The following KRAS variants were observed in gnomAD, a reference collection of about 807,000 sequenced individuals.
KRAS encodes the protein GTPase KRas.
In KRAS, 1 loss-of-function variant was observed where a neutral mutation model predicts 21.0. The observed-to-expected ratio is 0.05, with a 90% CI of 0.02 to 0.23. The LOEUF is 0.23. Among genes scored for constraint, KRAS ranks in the 10% least tolerant of loss-of-function variants. The probability of loss-of-function intolerance (pLI) is 1.00; values close to 1 mark genes in which losing one functional copy is unlikely to be tolerated. For synonymous variants in KRAS, 67 were observed against 72.5 expected (o/e 0.92, Z 0.39); for missense variants, 107 against 221.8 (o/e 0.48, Z 3.29).
chr12:25,234,981 T>C (rs183513244), intron 2 of KRAS: 17 of 310,058 alleles, frequency 5.5e-5, no homozygotes, highest in Non-Finnish European at 6.5e-5. Flanking sequence ...CTATTAATAG[T>C]AATTACAGCA....
intron 2 of KRAS, among the ~76,000 whole-genome samples, chr12:25,229,444 C>T (rs1308938774): frequency 6.6e-6 from 1 of 152,130 alleles, no homozygotes; most frequent in Admixed American, 6.5e-5. Context: ...AATATTGTTT[C>T]ATCTGCAAAT....
At chr12:25,229,601 T>C (rs1951439259) in intron 2 of KRAS, among the ~76,000 whole-genome samples, 1 of 149,188 alleles carries the variant, frequency 6.7e-6, no homozygotes, top group African/African-American at 2.6e-5. Flanking sequence ...CTGCTCAAGA[T>C]TTCACACATT....
In KRAS at chr12:25,207,515, C is replaced by CAAAAA; in HGVS notation, c.*2275_*2279dup. 1 of 184,836 alleles carries CAAAAA rather than the reference C, an allele frequency of 5.4e-6. No homozygotes were observed. Among genetic ancestry groups the CAAAAA allele is most frequent in the Non-Finnish European group, 1.1e-5 (1 of 89,462 alleles). 11.4% of individuals were successfully genotyped at this position (184,836 alleles called of 1,614,324 possible). A position where few individuals can be genotyped will look rare whatever the true frequency, so the allele number is the denominator to read the frequency against. On this transcript the variant is annotated 3_prime_UTR_variant, in exon 5 of 5. Transcript: ENST00000311936. Reference sequence around the variant, plus strand: ...GGTGACAAGAGCGAGACTCTGACACCAAAAAAAAAAAGTAAGCTTCATGAA... The same window carrying CAAAAA: ...GGTGACAAGAGCGAGACTCTGACACCAAAAAAAAAAAAAAAAGTAAGCTTCATGAA...
chr12:25,231,988 C>T (rs577135119), intron 2 of KRAS, among the ~76,000 whole-genome samples: 1 of 151,658 alleles, frequency 6.6e-6, no homozygotes, highest in East Asian at 1.9e-4. Flanking sequence ...ATACACACGG[C>T]ATTGGTTCCA....
In KRAS at chr12:25,227,242, G is replaced by A. The variant is rs2141509296; in HGVS notation, c.282C>T (p.His94=). Residue 94 remains histidine, a synonymous_variant, in exon 3 of 5, where the codon CAC becomes CAT. Transcript: ENST00000311936. ...INNTKSFEDI[H]HYREQIKRVK... ...ATTCAATTTAAACCCACCTATAATG[G>A]TGAATATCTTCAAATGATTTAGTAT... is the stretch of plus-strand genomic sequence containing the variant. The A allele has an allele frequency of 6.2e-7, 1 of 1,611,092 alleles. No individual in the cohort carries two copies. The highest frequency in any genetic ancestry group is 8.5e-7 in the Non-Finnish European group (1 of 1,177,466).
chr12:25,232,102 C>G (rs1191425486), intron 2 of KRAS, among the ~76,000 whole-genome samples: 2 of 152,066 alleles, frequency 1.3e-5, no homozygotes, highest in Non-Finnish European at 2.9e-5. Context: ...ACGTGTATCA[C>G]AAGTGGACCC....
intron 4 of KRAS, among the ~76,000 whole-genome samples, chr12:25,214,648 A>G (rs1399191616): frequency 2.0e-5 from 3 of 152,222 alleles, no homozygotes; most frequent in South Asian, 2.1e-4. Flanking sequence ...TAGGCCTCCC[A>G]AAGTGCTGGG....
At chr12:25,216,233 GAC>G (rs1555192984) in intron 4 of KRAS, among the ~76,000 whole-genome samples, 1 of 152,072 alleles carries the variant, frequency 6.6e-6, no homozygotes, top group Non-Finnish European at 1.5e-5. Flanking sequence ...TGAATTAAAG[GAC>G]ACACACAAAA....
At position 25,208,090 on chromosome 12, in the gene KRAS, G is replaced by C. The variant is rs539213224; in HGVS notation, c.*1705C>G. On this transcript the variant is annotated 3_prime_UTR_variant, in exon 5 of 5. Transcript: ENST00000311936. ...TGGCACTGAAGATGGTGTAACATAG[G>C]TTAAAAATTTACAGATTGTGCTGAG... is the stretch of plus-strand genomic sequence containing the variant. The C allele has an allele frequency of 6.0e-4, 141 of 233,140 alleles. No homozygotes were observed. Among genetic ancestry groups the C allele is most frequent in the Non-Finnish European group, 1.0e-3 (121 of 117,864 alleles). The allele number at this position is 233,140 out of a possible 1,614,324, so 14.4% of individuals were successfully genotyped here. A position where few individuals can be genotyped will look rare whatever the true frequency, so the allele number is the denominator to read the frequency against.
chr12:25,245,275 T>C lies in KRAS; in HGVS notation c.110A>G (p.Glu37Gly). 1 of 1,605,550 alleles carries C rather than the reference T, an allele frequency of 6.2e-7. No homozygotes were observed. Among genetic ancestry groups the C allele is most frequent in the Non-Finnish European group, 8.5e-7 (1 of 1,174,680 alleles). ...HFVDEYDPTI[E>G]DSYRKQVVID... is the part of the protein sequence containing the mutation. Reference sequence around the variant, plus strand: ...TATGCATATTAAAACAAGATTTACCTCTATTGTTGGATCATATTCGTCCAC... The same window carrying C: ...TATGCATATTAAAACAAGATTTACCCCTATTGTTGGATCATATTCGTCCAC... The change falls in exon 2 of 5, where the codon GAG becomes GGG. Residue 37 changes from glutamate (E) to glycine (G), a missense_variant and splice_region_variant. Physicochemically the swap from Glu to Gly is moderately conservative, Grantham distance 98. Transcript: ENST00000311936.
At position 25,215,555 on chromosome 12, in the gene KRAS, C is replaced by T. The variant is rs1951246059; in HGVS notation, c.451-5644G>A. On this transcript the variant is annotated intron_variant, in intron 4 of 4. Coordinates refer to ENST00000311936, the MANE Select transcript of KRAS (RefSeq NM_004985.5). ...TCACCAATGTATAAAAAGCATCCTC[C>T]ACTCTCTGCATTGTAAAACACAACT... 4 of 1,610,140 alleles carry T rather than the reference C, an allele frequency of 2.5e-6. No individual in the cohort carries two copies. In the Admixed American group the frequency reaches 6.7e-5, roughly 27 times the overall value.
intron 2 of KRAS, among the ~76,000 whole-genome samples, chr12:25,244,239 A>G (rs1474180292): frequency 6.6e-6 from 1 of 152,174 alleles, no homozygotes; most frequent in Non-Finnish European, 1.5e-5. Context: ...AATTTTTCAG[A>G]ACTGATTTTT....
chr12:25,232,361 G>A (rs1017183821), intron 2 of KRAS, among the ~76,000 whole-genome samples: 2 of 152,194 alleles, frequency 1.3e-5, no homozygotes, highest in African/African-American at 4.8e-5. Flanking sequence ...GCCCTTTATA[G>A]AAAAGTTTGC....
chr12:25,245,742 T>C (rs1014381181), intron 1 of KRAS, among the ~76,000 whole-genome samples: 2 of 151,992 alleles, frequency 1.3e-5, no homozygotes, highest in East Asian at 1.9e-4. Context: ...ATGACTTCAC[T>C]CATGTAGAGA....
In KRAS at chr12:25,228,488, T is replaced by G. The variant is rs1343863788; in HGVS notation, c.112-1076A>C. Among the ~76,000 whole-genome samples, 5 of 152,216 alleles carry G rather than the reference T, an allele frequency of 3.3e-5. No individual in the cohort carries two copies. The East Asian group carries it at 7.7e-4, about 24-fold the overall frequency. Reference sequence around the variant, plus strand: ...ACACAGATGAACCTTGAAAACATTATGCTAAATGAAGTAAGCCAACACAAA... The same window carrying G: ...ACACAGATGAACCTTGAAAACATTAGGCTAAATGAAGTAAGCCAACACAAA... On this transcript the variant is annotated intron_variant, in intron 2 of 4. Transcript: ENST00000311936.
intron 4 of KRAS, among the ~76,000 whole-genome samples, chr12:25,218,324 AT>A (rs747171687): frequency 2.0e-4 from 30 of 152,204 alleles, no homozygotes; most frequent in Admixed American, 3.3e-4. Flanking sequence ...GCAGAAGCAA[AT>A]TTTGATTTTA....
At chr12:25,216,691 A>G (rs1404249754) in intron 4 of KRAS, among the ~76,000 whole-genome samples, 2 of 152,204 alleles carry the variant, frequency 1.3e-5, no homozygotes, top group East Asian at 3.8e-4. Context: ...TAAGAGAGCT[A>G]TGACAACAGG....
intron 4 of KRAS, among the ~76,000 whole-genome samples, chr12:25,224,304 C>G (rs368370007): frequency 1.3e-5 from 2 of 151,958 alleles, no homozygotes. Flanking sequence ...TGTGTTACTG[C>G]CCCTGAAGAT....
intron 1 of KRAS, among the ~76,000 whole-genome samples, chr12:25,248,377 G>C (rs1202512092): frequency 7.1e-6 from 1 of 141,050 alleles, no homozygotes; most frequent in Non-Finnish European, 1.6e-5. Context: ...TTGAGCCTGA[G>C]AGTCGGAGGT....
Sources: gnomAD v4.1 joint callset for allele counts (sites outside exome capture counted in the v4.1 genomes callset) on GRCh38, gnomAD v4.1.1 for gene constraint, MANE v1.5 for transcripts, NCBI Gene and HGNC (gene_info 2026-07-23, HGNC 2026-07-21) for gene names.